Variants in ZNF148 observed in about 807,000 individuals in gnomAD.
ZNF148 encodes zinc finger protein 148.
Under a neutral mutation model 67.7 loss-of-function variants are expected in ZNF148, and 7 were observed. The observed-to-expected ratio is 0.10, with a 90% CI of 0.06 to 0.19. The LOEUF (loss-of-function observed/expected upper bound fraction) is 0.19, where lower values mean the gene tolerates loss of function less well. Ranked by LOEUF, ZNF148 falls within the 10% of genes least tolerant of loss-of-function variation. The pLI, the probability that ZNF148 is intolerant of heterozygous loss-of-function variation, is 1.00. For missense variants in ZNF148, 583 were observed against 947.1 expected (o/e 0.62, Z 5.05); for synonymous variants, 333 against 330.7 (o/e 1.01, Z -0.08).
chr3:125,340,020 C>T (rs1379588116), intron 1 of ZNF148, among the ~76,000 whole-genome samples: 1 of 152,012 alleles, frequency 6.6e-6, no homozygotes, highest in Non-Finnish European at 1.5e-5. Context: ...ACTCACGAAG[C>T]ACAACTGTAA....
intron 7 of ZNF148, among the ~76,000 whole-genome samples, chr3:125,237,037 A>G (rs1936123370): frequency 6.6e-6 from 1 of 152,230 alleles, no homozygotes; most frequent in South Asian, 2.1e-4. Flanking sequence ...AGTGAAAGAA[A>G]TGAGAAGATG....
chr3:125,291,536 T>C (rs1315865783), intron 4 of ZNF148, among the ~76,000 whole-genome samples: 2 of 152,094 alleles, frequency 1.3e-5, no homozygotes, highest in Non-Finnish European at 2.9e-5. Flanking sequence ...AAAAGGAAGG[T>C]GGTCTTTCTG....
intron 7 of ZNF148, among the ~76,000 whole-genome samples, chr3:125,271,651 C>T (rs777023775): frequency 1.5e-4 from 23 of 152,140 alleles, no homozygotes; most frequent in Non-Finnish European, 2.8e-4. Context: ...ATACCAGTAC[C>T]CTCCTCACAG....
chr3:125,248,979 C>T (rs1936718493), intron 7 of ZNF148, among the ~76,000 whole-genome samples: 1 of 152,114 alleles, frequency 6.6e-6, no homozygotes, highest in Non-Finnish European at 1.5e-5. Context: ...TCTTATTTCT[C>T]TCTTTAAAGC....
intron 3 of ZNF148, among the ~76,000 whole-genome samples, chr3:125,320,444 A>G (rs1940718724): frequency 1.3e-5 from 2 of 152,178 alleles, no homozygotes; most frequent in East Asian, 1.9e-4. Context: ...ATTAATCTGC[A>G]TTTGAGCATG....
chr3:125,271,056 T>C (rs1370087844), intron 7 of ZNF148, among the ~76,000 whole-genome samples: 1 of 152,212 alleles, frequency 6.6e-6, no homozygotes, highest in East Asian at 1.9e-4. Flanking sequence ...ATATTAAATA[T>C]TATACAATTT....
chr3:125,307,069 AAAAC>A (rs1299579624), intron 4 of ZNF148, among the ~76,000 whole-genome samples: 2 of 148,686 alleles, frequency 1.3e-5, no homozygotes, highest in African/African-American at 5.0e-5. Flanking sequence ...AAAAAAAAAG[AAAAC>A]CATGGACTAA....
intron 7 of ZNF148, among the ~76,000 whole-genome samples, chr3:125,254,865 CTTTA>C (rs531218727): frequency 7.4e-4 from 112 of 152,102 alleles, no homozygotes; most frequent in African/African-American, 2.4e-3. Context: ...TGGATTAAAT[CTTTA>C]TTTGTTTTCT....
chr3:125,271,798 T>A (rs1239709107), intron 7 of ZNF148, among the ~76,000 whole-genome samples: 3 of 152,204 alleles, frequency 2.0e-5, no homozygotes, highest in Non-Finnish European at 2.9e-5. Flanking sequence ...TAGGTTTTTT[T>A]AAACTGCAAT....
At chr3:125,244,261 T>C (rs1430252781) in intron 7 of ZNF148, among the ~76,000 whole-genome samples, 1 of 152,180 alleles carries the variant, frequency 6.6e-6, no homozygotes, top group African/African-American at 2.4e-5. Context: ...ATTTTTACTA[T>C]AATATATGGG....
intron 5 of ZNF148, among the ~76,000 whole-genome samples, chr3:125,280,960 A>G (rs1458193824): frequency 1.3e-5 from 2 of 152,174 alleles, no homozygotes; most frequent in Admixed American, 1.3e-4. Context: ...TAGGGCCTGC[A>G]AACACACAGC....
chr3:125,247,084 T>A (rs1850506), intron 7 of ZNF148, among the ~76,000 whole-genome samples: 1 of 152,018 alleles, frequency 6.6e-6, no homozygotes, highest in Non-Finnish European at 1.5e-5. Context: ...TAAATCAAAG[T>A]GGCAAAAAAC....
intron 3 of ZNF148, among the ~76,000 whole-genome samples, chr3:125,320,403 A>G (rs1035853306): frequency 1.5e-4 from 23 of 152,212 alleles, no homozygotes; most frequent in Admixed American, 1.5e-3. Context: ...CTGAATGTAT[A>G]TGAACATCCA....
intron 7 of ZNF148, 109 bp from the exon 8 acceptor site, chr3:125,234,438 A>G: frequency 1.3e-6 from 1 of 743,036 alleles, no homozygotes; most frequent in South Asian, 1.9e-5. Context: ...GTAACTTCCA[A>G]TTTCATTTGT....
chr3:125,232,628 T>A lies in ZNF148; in HGVS notation c.2098A>T (p.Thr700Ser). 1 of 1,613,844 alleles carries A rather than the reference T, an allele frequency of 6.2e-7. No individual in the cohort carries two copies. Among genetic ancestry groups the A allele is most frequent in the Non-Finnish European group, 8.5e-7 (1 of 1,179,792 alleles). Residue 700 changes from threonine (T) to serine (S), a missense_variant, in exon 9 of 9, where the codon ACA becomes TCA. Thr to Ser is a moderately conservative substitution (Grantham distance 58). Coordinates refer to ENST00000360647, the MANE Select transcript of ZNF148 (RefSeq NM_021964.3). The surrounding 1 kb of genome is among the most constrained non-coding windows in gnomAD (Gnocchi z 4.2). ...TGATCCAGAAAGTCCTGTGTTGATG[T>A]GGCAGAAGCATGGTTTGTCTCATCA... ...SGDETNHASA[T>S]STQDFLDQVT...
intron 3 of ZNF148, among the ~76,000 whole-genome samples, chr3:125,322,489 G>C (rs1036192698): frequency 1.7e-5 from 1 of 58,760 alleles, no homozygotes; most frequent in Admixed American, 1.3e-4. Flanking sequence ...TGGTTGTGAC[G>C]TGACAAAGAG....
intron 4 of ZNF148, among the ~76,000 whole-genome samples, chr3:125,313,045 C>A (rs1291314124): frequency 6.6e-6 from 1 of 152,062 alleles, no homozygotes. Flanking sequence ...GATAAAATAT[C>A]TTTTAAAATT....
chr3:125,343,358 TC>T (rs1376837138), intron 1 of ZNF148, among the ~76,000 whole-genome samples: 1 of 152,196 alleles, frequency 6.6e-6, no homozygotes, highest in African/African-American at 2.4e-5. Flanking sequence ...CAGCTGGACT[TC>T]CTGGGGACTA....
chr3:125,274,702 A>T (rs1213665331), intron 7 of ZNF148, among the ~76,000 whole-genome samples: 2 of 152,200 alleles, frequency 1.3e-5, no homozygotes, highest in African/African-American at 4.8e-5. Context: ...ATGGGCTTGG[A>T]GGCCTGAGGG....
Sources: gnomAD v4.1 joint callset for allele counts (sites outside exome capture counted in the v4.1 genomes callset) on GRCh38, gnomAD v4.1.1 for gene constraint, Gnocchi (gnomAD v3.1) non-coding constraint, MANE v1.5 for transcripts, NCBI Gene and HGNC (gene_info 2026-07-23, HGNC 2026-07-21) for gene names.